Variants in TMEM117 observed in about 807,000 individuals in gnomAD.
TMEM117 encodes the protein transmembrane protein 117.
In TMEM117, 27 loss-of-function variants were observed where a neutral mutation model predicts 52.4. The ratio of observed to expected loss-of-function variants is 0.51; its 90% CI spans 0.38 to 0.71. The LOEUF (loss-of-function observed/expected upper bound fraction) is 0.71. Among genes scored for constraint, TMEM117 ranks in the 30% least tolerant of loss-of-function variants. The probability of loss-of-function intolerance (pLI) is 0.00; values close to 1 mark genes in which losing one functional copy is unlikely to be tolerated. For missense variants in TMEM117, 556 were observed against 630.5 expected (o/e 0.88, Z 1.26); for synonymous variants, 215 against 206.3 (o/e 1.04, Z -0.36).
intron 3 of TMEM117, among the ~76,000 whole-genome samples, chr12:44,053,763 G>A (rs1479198172): frequency 1.3e-5 from 2 of 152,084 alleles, no homozygotes; most frequent in African/African-American, 2.4e-5. Context: ...CCAAGAACTC[G>A]GGACAAAGGC....
intron 2 of TMEM117, among the ~76,000 whole-genome samples, chr12:43,876,643 C>T (rs78029959): frequency 0.062 from 9,508 of 152,196 alleles, 831 homozygotes; most frequent in African/African-American, 0.2. Flanking sequence ...CCCCTCCCCT[C>T]ACCTTTTCTG....
At chr12:44,279,966 G>A (rs1007290927) in intron 5 of TMEM117, among the ~76,000 whole-genome samples, 1 of 151,964 alleles carries the variant, frequency 6.6e-6, no homozygotes, top group African/African-American at 2.4e-5. Flanking sequence ...ATTTTTACTG[G>A]TTTTCTCTGG....
At chr12:43,834,719 C>A (rs1943003949), upstream of TMEM117, among the ~76,000 whole-genome samples, 2 of 152,158 alleles carry the variant, frequency 1.3e-5, no homozygotes, top group Non-Finnish European at 2.9e-5. Context: ...TTTTAGTAGA[C>A]ACCCATGTAG....
chr12:44,220,200 G>A lies in TMEM117; in HGVS notation c.608+8813G>A, dbSNP rs546941509. ...GCACAACTGTATTCTAGTTGGTAGA[G>A]TTATTTCTCATGGGGTTACCAGTTA... On this transcript the variant is annotated intron_variant, in intron 5 of 7. Coordinates refer to ENST00000266534, the MANE Select transcript of TMEM117 (RefSeq NM_032256.3). 2.2e-4 allele frequency among the ~76,000 whole-genome samples: 34 copies of A among 152,262 alleles called. No homozygotes were observed. In the Middle Eastern group the frequency reaches 0.017, roughly 76 times the overall value.
intron 2 of TMEM117, among the ~76,000 whole-genome samples, chr12:43,936,669 G>A (rs1172985019): frequency 1.3e-5 from 2 of 152,158 alleles, no homozygotes; most frequent in African/African-American, 2.4e-5. Context: ...TTGGTGTTAG[G>A]GAACCCAAGG....
chr12:44,132,187 G>GT (rs536269311), intron 3 of TMEM117, among the ~76,000 whole-genome samples: 2,404 of 133,374 alleles, frequency 0.018, 29 homozygotes, highest in African/African-American at 0.029. Flanking sequence ...GGCTGCTCAG[G>GT]TTTTTTTTTT....
In TMEM117 at chr12:43,955,340, C is replaced by T. The variant is rs551240209; in HGVS notation, c.410+10998C>T. Among the ~76,000 whole-genome samples, 66 of 152,146 alleles carry T rather than the reference C, an allele frequency of 4.3e-4. 1 individual carries two copies. The highest frequency in any genetic ancestry group is 1.9e-4 in the East Asian group (1 of 5,178). On this transcript the variant is annotated intron_variant, in intron 3 of 7. Coordinates refer to ENST00000266534, the MANE Select transcript of TMEM117 (RefSeq NM_032256.3). ...AGAAAGGGTATTCAGGTAAGAAGAG[C>T]GGAAGTCAATTTGTCTTTGTTTGCA...
chr12:44,212,529 A>G (rs115944968), intron 5 of TMEM117, among the ~76,000 whole-genome samples: 52 of 152,266 alleles, frequency 3.4e-4, no homozygotes, highest in African/African-American at 1.2e-3. Flanking sequence ...ACTGAGGTTA[A>G]CATATCGTAT....
At chr12:44,391,811 A>G (rs1952163320), downstream of TMEM117, among the ~76,000 whole-genome samples, 1 of 152,134 alleles carries the variant, frequency 6.6e-6, no homozygotes, top group Non-Finnish European at 1.5e-5. Flanking sequence ...ACTAACCCTT[A>G]TTTTAAATTT....
intron 3 of TMEM117, among the ~76,000 whole-genome samples, chr12:43,982,783 C>T (rs1471822711): frequency 6.6e-6 from 1 of 152,136 alleles, no homozygotes; most frequent in Non-Finnish European, 1.5e-5. Flanking sequence ...AAATAGAACA[C>T]AGAGCGTATT....
intron 5 of TMEM117, chr12:44,244,307 A>G (rs1055102322): frequency 5.9e-5 from 9 of 151,970 alleles, no homozygotes; most frequent in African/African-American, 2.2e-4. Context: ...TCTTGATAAT[A>G]GCTATTCTAA....
chr12:44,041,870 C>T (rs7305049), intron 3 of TMEM117, among the ~76,000 whole-genome samples: 1,615 of 152,218 alleles, frequency 0.011, 24 homozygotes, highest in African/African-American at 0.036. Context: ...AAAAACCACA[C>T]GATCATCTCA....
chr12:43,834,322 T>G (rs1175184788), upstream of TMEM117, among the ~76,000 whole-genome samples: 1 of 152,208 alleles, frequency 6.6e-6, no homozygotes, highest in Non-Finnish European at 1.5e-5. Context: ...CAGTGGAATA[T>G]AATGACTAAT....
chr12:43,881,155 A>G (rs1943889413), intron 2 of TMEM117, among the ~76,000 whole-genome samples: 1 of 152,178 alleles, frequency 6.6e-6, no homozygotes, highest in East Asian at 1.9e-4. Flanking sequence ...ATGCCTATAT[A>G]TTTTATGTTT....
intron 5 of TMEM117, among the ~76,000 whole-genome samples, chr12:44,218,312 G>A (rs1949745563): frequency 6.6e-6 from 1 of 152,064 alleles, no homozygotes; most frequent in African/African-American, 2.4e-5. Context: ...TTATCTCTGG[G>A]ATATAAGGGT....
intron 5 of TMEM117, among the ~76,000 whole-genome samples, chr12:44,293,110 G>GATAT (rs145187655): frequency 2.7e-5 from 4 of 150,716 alleles, no homozygotes; most frequent in African/African-American, 7.3e-5. Flanking sequence ...TCTGGTACTG[G>GATAT]ATATATATAT....
intron 4 of TMEM117, among the ~76,000 whole-genome samples, chr12:44,182,128 A>G (rs1269675898): frequency 2.0e-5 from 3 of 152,072 alleles, no homozygotes; most frequent in Middle Eastern, 3.2e-3. Flanking sequence ...TGTGAATGGG[A>G]GTTCACTCAT....
At chr12:44,234,805 A>G (rs1051924270) in intron 5 of TMEM117, among the ~76,000 whole-genome samples, 1 of 151,462 alleles carries the variant, frequency 6.6e-6, no homozygotes, top group African/African-American at 2.4e-5. Context: ...GTGTTAGATT[A>G]TATACTGTGT....
At chr12:44,156,181 C>T (rs1948823188) in intron 4 of TMEM117, among the ~76,000 whole-genome samples, 1 of 152,066 alleles carries the variant, frequency 6.6e-6, no homozygotes, top group Non-Finnish European at 1.5e-5. Flanking sequence ...TTAGCCCTTA[C>T]CAGCATGGAT....
Sources: gnomAD v4.1 joint callset for allele counts (sites outside exome capture counted in the v4.1 genomes callset) on GRCh38, gnomAD v4.1.1 for gene constraint, MANE v1.5 for transcripts, NCBI Gene and HGNC (gene_info 2026-07-23, HGNC 2026-07-21) for gene names.